NPAS3: variants seen among roughly 807,000 people sequenced by gnomAD.
NPAS3 encodes neuronal PAS domain-containing protein 3.
Under a neutral mutation model 73.1 loss-of-function variants are expected in NPAS3, and 14 were observed. That is an observed-to-expected ratio of 0.19 (90% CI 0.13 to 0.30). The LOEUF (loss-of-function observed/expected upper bound fraction) is 0.30, where lower values mean the gene tolerates loss of function less well. NPAS3 is among the 10% of genes least tolerant of loss of function. The pLI is 1.00. For synonymous variants in NPAS3, 620 were observed against 541.5 expected (o/e 1.14, Z -2.01); for missense variants, 1,096 against 1,250.0 (o/e 0.88, Z 1.86).
intron 7 of NPAS3, among the ~76,000 whole-genome samples, chr14:33,764,320 GAAAC>G (rs554188578): frequency 8.2e-4 from 125 of 152,172 alleles, no homozygotes; most frequent in African/African-American, 2.9e-3. Context: ...AAACTCAAGA[GAAAC>G]AAACAAAGAG....
At chr14:33,212,023 A>G (rs1195189301) in intron 2 of NPAS3, among the ~76,000 whole-genome samples, 2 of 152,208 alleles carry the variant, frequency 1.3e-5, no homozygotes, top group Non-Finnish European at 2.9e-5. Flanking sequence ...TACAACCACA[A>G]TACTTTCGTT....
chr14:33,143,733 C>A (rs974960111), intron 2 of NPAS3, among the ~76,000 whole-genome samples: 2 of 152,046 alleles, frequency 1.3e-5, no homozygotes, highest in Non-Finnish European at 2.9e-5. Context: ...TTTCCCCTGC[C>A]CCACCCACTG....
At chr14:33,716,367 T>A (rs1566459913) in intron 6 of NPAS3, among the ~76,000 whole-genome samples, 1 of 152,192 alleles carries the variant, frequency 6.6e-6, no homozygotes, top group Non-Finnish European at 1.5e-5. Flanking sequence ...TGTTTTTCCT[T>A]CTCTATGTCT....
intron 7 of NPAS3, among the ~76,000 whole-genome samples, chr14:33,751,709 A>G (rs992010705): frequency 3.3e-5 from 5 of 152,228 alleles, no homozygotes; most frequent in African/African-American, 1.2e-4. Flanking sequence ...CTCATTAGAA[A>G]AATTTTATTT....
intron 3 of NPAS3, among the ~76,000 whole-genome samples, chr14:33,322,275 C>G (rs1210200287): frequency 1.3e-5 from 2 of 152,146 alleles, no homozygotes; most frequent in Non-Finnish European, 2.9e-5. Flanking sequence ...TTCCCATTGC[C>G]TCCGTCAGTA....
chr14:33,774,042 A>T (rs8017303), intron 7 of NPAS3, among the ~76,000 whole-genome samples: 1 of 152,168 alleles, frequency 6.6e-6, no homozygotes, highest in East Asian at 1.9e-4. Flanking sequence ...TGCTCAACTT[A>T]TTGGTCATTT....
chr14:33,136,561 A>G (rs1367826063), intron 2 of NPAS3, among the ~76,000 whole-genome samples: 1 of 152,194 alleles, frequency 6.6e-6, no homozygotes, highest in African/African-American at 2.4e-5. Flanking sequence ...TTACAACTGA[A>G]GAAACTGAGA....
chr14:33,033,035 TG>T (rs1409800299), intron 1 of NPAS3, among the ~76,000 whole-genome samples: 1 of 152,236 alleles, frequency 6.6e-6, no homozygotes, highest in Non-Finnish European at 1.5e-5. Flanking sequence ...CAAGGCAGAC[TG>T]TCAAATCAAA....
intron 7 of NPAS3, among the ~76,000 whole-genome samples, chr14:33,765,777 T>G (rs1489239302): frequency 6.6e-6 from 1 of 152,198 alleles, no homozygotes; most frequent in African/African-American, 2.4e-5. Flanking sequence ...TCTGCTCTCC[T>G]GATGGAGAGG....
intron 4 of NPAS3, among the ~76,000 whole-genome samples, chr14:33,408,263 T>C (rs1023799374): frequency 2.0e-5 from 3 of 152,258 alleles, no homozygotes; most frequent in Non-Finnish European, 2.9e-5. Context: ...TAACTTTACC[T>C]GCCGAAGTTG....
chr14:33,039,887 C>T (rs1475092923), intron 1 of NPAS3, among the ~76,000 whole-genome samples: 1 of 152,104 alleles, frequency 6.6e-6, no homozygotes, highest in Non-Finnish European at 1.5e-5. Flanking sequence ...GGGAAAGAGA[C>T]ACAAGGTATA....
At position 33,752,033 on chromosome 14, in the gene NPAS3, C is replaced by T. The variant is rs572211842; in HGVS notation, c.852+16701C>T. Among the ~76,000 whole-genome samples the T allele has an allele frequency of 1.7e-3, 256 of 152,168 alleles. 1 individual carries two copies. Among genetic ancestry groups the T allele is most frequent in the Non-Finnish European group, 3.0e-3 (201 of 67,998 alleles). ...TTTCACCCCTTTCTCTCCTTCTCCC[C>T]AAAAAATAAACCTTTATATTCCTGG... On this transcript the variant is annotated intron_variant, in intron 7 of 11. Transcript: ENST00000356141.
rs143013466 is a variant in NPAS3, at chr14:33,134,637, G to A, written c.140+78643G>A. ...TCTGTTTGGTTTTCCATCAGCATAG[G>A]TGGCTTCATGTAAGAGTAGTCACCT... On this transcript the variant is annotated intron_variant, in intron 2 of 11. Coordinates refer to ENST00000356141, the Ensembl canonical transcript of NPAS3. Among the ~76,000 whole-genome samples the A allele has an allele frequency of 2.0e-5, 3 of 152,184 alleles. No individual in the cohort carries two copies. The East Asian group carries it at 5.8e-4, about 29-fold the overall frequency.
At chr14:32,944,457 G>T (rs1401574140) in intron 1 of NPAS3, among the ~76,000 whole-genome samples, 1 of 152,248 alleles carries the variant, frequency 6.6e-6, no homozygotes, top group South Asian at 2.1e-4. Context: ...AATGGAATAT[G>T]TGAAACTTTA....
chr14:33,732,541 C>T (rs1257013110), intron 6 of NPAS3, among the ~76,000 whole-genome samples: 1 of 152,136 alleles, frequency 6.6e-6, no homozygotes, highest in Non-Finnish European at 1.5e-5. Flanking sequence ...CTTACTTGTG[C>T]CCCTGTCCTC....
chr14:33,071,179 C>A (rs1364131639), intron 2 of NPAS3, among the ~76,000 whole-genome samples: 1 of 152,082 alleles, frequency 6.6e-6, no homozygotes, highest in Non-Finnish European at 1.5e-5. Context: ...TCATTAGGAA[C>A]AATACTATTA....
chr14:33,450,811 A>G (rs532700544), intron 4 of NPAS3, among the ~76,000 whole-genome samples: 2 of 152,190 alleles, frequency 1.3e-5, no homozygotes, highest in Non-Finnish European at 2.9e-5. Flanking sequence ...ATACAACTAG[A>G]TGTTATTGGT....
chr14:33,136,864 G>A (rs940349580), intron 2 of NPAS3, among the ~76,000 whole-genome samples: 1 of 152,146 alleles, frequency 6.6e-6, no homozygotes, highest in Non-Finnish European at 1.5e-5. Context: ...CCTGATCTAT[G>A]GAAGAAGGCA....
chr14:33,559,298 A>G (rs2055519019), intron 4 of NPAS3, among the ~76,000 whole-genome samples: 2 of 152,220 alleles, frequency 1.3e-5, no homozygotes, highest in Non-Finnish European at 2.9e-5. Flanking sequence ...CCCTTAATGT[A>G]TTGACATTTC....
Sources: gnomAD v4.1 joint callset for allele counts (sites outside exome capture counted in the v4.1 genomes callset) on GRCh38, gnomAD v4.1.1 for gene constraint, MANE v1.5 for transcripts, NCBI Gene and HGNC (gene_info 2026-07-23, HGNC 2026-07-21) for gene names.